Variants in MBNL2 observed in about 807,000 individuals in gnomAD.
MBNL2 encodes muscleblind-like protein 2.
A neutral mutation model predicts 41.9 loss-of-function variants in MBNL2; 17 were observed. The ratio of observed to expected loss-of-function variants is 0.41; its 90% CI spans 0.28 to 0.61. The LOEUF is 0.61. Ranked by LOEUF, MBNL2 falls within the 20% of genes least tolerant of loss-of-function variation. The probability of loss-of-function intolerance (pLI) is 0.35; values close to 1 mark genes in which losing one functional copy is unlikely to be tolerated. For missense variants in MBNL2, 336 were observed against 505.6 expected, an observed-to-expected ratio of 0.66 and a Z score of 3.22; for synonymous variants, 195 against 182.9, an observed-to-expected ratio of 1.07 and a Z score of -0.53.
chr13:97,339,823 C>T (rs950193626), intron 3 of MBNL2, among the ~76,000 whole-genome samples: 6 of 148,880 alleles, frequency 4.0e-5, no homozygotes, highest in South Asian at 2.1e-4. Flanking sequence ...CTCCACCAAA[C>T]GCTCTCTGCA....
the MBNL2 span, among the ~76,000 whole-genome samples, chr13:97,145,992 T>C: frequency 6.8e-6 from 1 of 148,012 alleles, no homozygotes; most frequent in Non-Finnish European, 1.5e-5. Flanking sequence ...TTCTTTTCTT[T>C]TCTTTTCTTT....
At chr13:97,382,804 C>T (rs2065592313) in intron 8 of MBNL2, among the ~76,000 whole-genome samples, 1 of 151,918 alleles carries the variant, frequency 6.6e-6, no homozygotes. Context: ...GCCTTAGCCT[C>T]ACTTGGGCCA....
chr13:97,158,189 G>A, the MBNL2 span, among the ~76,000 whole-genome samples: 1 of 151,898 alleles, frequency 6.6e-6, no homozygotes, highest in Non-Finnish European at 1.5e-5. Context: ...GCGTAGAGGT[G>A]TTTGTAGTAT....
At chr13:97,276,489 A>G in intron 2 of MBNL2, 80 bp downstream of exon 2, 1 of 1,333,746 alleles carries the variant, frequency 7.5e-7, no homozygotes, top group South Asian at 1.3e-5. Context: ...ATTTTTACAG[A>G]AGTTTAAAAA....
the MBNL2 span, among the ~76,000 whole-genome samples, chr13:97,165,773 T>C: frequency 1.3e-5 from 2 of 152,382 alleles, no homozygotes; most frequent in South Asian, 2.1e-4. Context: ...GATATAGTTA[T>C]GCTTATTGAA....
intron 5 of MBNL2, among the ~76,000 whole-genome samples, chr13:97,354,482 A>T (rs888790733): frequency 6.6e-6 from 1 of 152,162 alleles, no homozygotes; most frequent in Non-Finnish European, 1.5e-5. Context: ...TTAAAAGGAG[A>T]GATCTGCCTC....
At chr13:97,160,311 C>A in the MBNL2 span, among the ~76,000 whole-genome samples, 1 of 152,094 alleles carries the variant, frequency 6.6e-6, no homozygotes, top group African/African-American at 2.4e-5. Context: ...GTGCTTTCTG[C>A]AAAAGGCAAG....
At chr13:97,289,140 G>C (rs1021135308) in intron 2 of MBNL2, among the ~76,000 whole-genome samples, 1 of 152,120 alleles carries the variant, frequency 6.6e-6, no homozygotes, top group African/African-American at 2.4e-5. Context: ...AATACATAAT[G>C]CGTCTAATTT....
the MBNL2 span, among the ~76,000 whole-genome samples, chr13:97,183,431 T>C: frequency 6.6e-6 from 1 of 152,216 alleles, no homozygotes; most frequent in Admixed American, 6.5e-5. Flanking sequence ...CCTTCTTGCC[T>C]GAAATACAGG....
intron 2 of MBNL2, among the ~76,000 whole-genome samples, chr13:97,328,321 T>C (rs2060087137): frequency 6.6e-6 from 1 of 152,146 alleles, no homozygotes; most frequent in Non-Finnish European, 1.5e-5. Flanking sequence ...ATGCGAGGAA[T>C]TTCAGAGGCT....
chr13:97,375,236 A>G (rs1362229858), intron 8 of MBNL2, among the ~76,000 whole-genome samples: 1 of 152,118 alleles, frequency 6.6e-6, no homozygotes, highest in Non-Finnish European at 1.5e-5. Flanking sequence ...GGAGGCAGTG[A>G]CTCCCAAGGT....
the MBNL2 span, among the ~76,000 whole-genome samples, chr13:97,172,236 G>A: frequency 1.3e-5 from 2 of 152,126 alleles, no homozygotes; most frequent in African/African-American, 4.8e-5. Context: ...CCTGTGTGTG[G>A]ACTTTAAATA....
chr13:97,307,221 G>A (rs1220180029), intron 2 of MBNL2, among the ~76,000 whole-genome samples: 1 of 152,040 alleles, frequency 6.6e-6, no homozygotes, highest in Non-Finnish European at 1.5e-5. Context: ...CTAGTTGGTT[G>A]TCAGAAATCC....
the MBNL2 span, among the ~76,000 whole-genome samples, chr13:97,156,484 G>C: frequency 7.3e-6 from 1 of 137,464 alleles, no homozygotes; most frequent in African/African-American, 2.8e-5. Flanking sequence ...CCTATGTCCT[G>C]AATGGTAATG....
At position 97,308,984 on chromosome 13, in the gene MBNL2, G is replaced by T. The variant is rs544773593; in HGVS notation, c.175-25292G>T. Among the ~76,000 whole-genome samples the T allele has an allele frequency of 2.6e-5, 4 of 152,314 alleles. No individual in the cohort carries two copies. In the East Asian group the frequency reaches 5.8e-4, roughly 22 times the overall value. On this transcript the variant is annotated intron_variant, in intron 2 of 8. Coordinates refer to ENST00000679496, the MANE Select transcript of MBNL2 (RefSeq NM_001382683.1). Reference sequence around the variant, plus strand: ...CATGGAGAAAGGGCATCAGAGATGGGCCTGTGGGGGTGAAGTAAGAGGGCA... The same window carrying T: ...CATGGAGAAAGGGCATCAGAGATGGTCCTGTGGGGGTGAAGTAAGAGGGCA...
chr13:97,145,499 G>A, the MBNL2 span, among the ~76,000 whole-genome samples: 1 of 152,202 alleles, frequency 6.6e-6, no homozygotes, highest in East Asian at 1.9e-4. Flanking sequence ...GGTGTCTGAG[G>A]ATGCAGGTGC....
chr13:97,150,679 G>A, the MBNL2 span, among the ~76,000 whole-genome samples: 6 of 152,122 alleles, frequency 3.9e-5, no homozygotes, highest in South Asian at 2.1e-4. Context: ...ACAAAGCTAC[G>A]AGTTATTGTT....
At chr13:97,340,545 A>G (rs1257506200) in intron 3 of MBNL2, among the ~76,000 whole-genome samples, 1 of 152,150 alleles carries the variant, frequency 6.6e-6, no homozygotes, top group Non-Finnish European at 1.5e-5. Context: ...AGTTCTGACC[A>G]TGGGAAATGG....
Position 97,393,579 on chromosome 13 carries a change from C to T in MBNL2, c.*2130C>T, listed in dbSNP as rs1258214309. The T allele has an allele frequency of 3.4e-4, 52 of 152,294 alleles. No homozygotes were observed. Among genetic ancestry groups the T allele is most frequent in the Non-Finnish European group, 2.9e-5 (2 of 67,918 alleles). The allele number at this position is 152,294 out of a possible 1,614,324, so 9.4% of individuals were successfully genotyped here. On this transcript the variant is annotated 3_prime_UTR_variant, in exon 9 of 9. Coordinates refer to ENST00000679496, the MANE Select transcript of MBNL2 (RefSeq NM_001382683.1). The stretch of plus-strand genomic sequence containing the variant: ...CAATATGCAAAGAGTCATAAATATG[C>T]CATTTACAATAAGGAGGAGGCAAGG...
Sources: allele counts gnomAD v4.1 joint callset (sites outside exome capture counted in the v4.1 genomes callset), GRCh38; gene constraint gnomAD v4.1.1; transcripts MANE v1.5; gene names NCBI Gene and HGNC (gene_info 2026-07-23, HGNC 2026-07-21).